The following PTPRN2 variants were observed in gnomAD, a reference collection of about 807,000 sequenced individuals.
PTPRN2 encodes protein tyrosine phosphatase receptor type N2, also known as receptor-type tyrosine-protein phosphatase N2.
PTPRN2 carries 74 observed loss-of-function variants against 118.8 expected under a neutral mutation model. The observed-to-expected ratio is 0.62, with a 90% CI of 0.52 to 0.76. PTPRN2 has a LOEUF of 0.76. Ranked by LOEUF, PTPRN2 falls within the 30% of genes least tolerant of loss-of-function variation. The pLI is 0.00. For missense variants in PTPRN2, 1,481 were observed against 1,394.4 expected (o/e 1.06, Z -0.99); for synonymous variants, 641 against 608.0 (o/e 1.05, Z -0.80).
chr7:157,766,391 A>C (rs1802492980), intron 12 of PTPRN2, among the ~76,000 whole-genome samples: 1 of 144,324 alleles, frequency 6.9e-6, no homozygotes, highest in African/African-American at 2.6e-5. Flanking sequence ...CTTCCATCCA[A>C]CCACCATCCC....
chr7:157,692,795 G>C (rs1445859331), intron 12 of PTPRN2, among the ~76,000 whole-genome samples: 2 of 152,072 alleles, frequency 1.3e-5, no homozygotes, highest in African/African-American at 4.8e-5. Context: ...CATCACCTTG[G>C]CCCTCTCGTC....
intron 12 of PTPRN2, among the ~76,000 whole-genome samples, chr7:157,866,469 C>A (rs1810676373): frequency 6.6e-6 from 1 of 152,092 alleles, no homozygotes; most frequent in South Asian, 2.1e-4. Flanking sequence ...CGATCACACC[C>A]ATATCCCTCG....
In PTPRN2 at chr7:157,601,785, C is replaced by T. The variant is rs757940771; in HGVS notation, c.2418+2217G>A. Among the ~76,000 whole-genome samples the T allele has an allele frequency of 7.0e-4, 106 of 152,238 alleles. 1 individual carries two copies. The highest frequency in any genetic ancestry group is 1.4e-3 in the Non-Finnish European group (95 of 68,048). On this transcript the variant is annotated intron_variant, in intron 16 of 22. Coordinates refer to ENST00000389418, the MANE Select transcript of PTPRN2 (RefSeq NM_002847.5). ...GGGCCCAGCTGCAACGCTGAACTCT[C>T]GTCTTTTAGGCTTGTGAATCACGGC...
chr7:158,248,410 G>A (rs998843850), intron 3 of PTPRN2, among the ~76,000 whole-genome samples: 1 of 152,166 alleles, frequency 6.6e-6, no homozygotes, highest in Non-Finnish European at 1.5e-5. Flanking sequence ...TTTCCCTGAA[G>A]GAACTGAGGC....
chr7:157,611,687 G>C lies in PTPRN2; in HGVS notation c.2345-7612C>G, dbSNP rs2150600434. 6.6e-6 allele frequency among the ~76,000 whole-genome samples: 1 copy of C among 152,286 alleles called. No homozygotes were observed. The highest frequency in any genetic ancestry group is 6.5e-5 in the Admixed American group (1 of 15,304). ...GGACTCTGCACACCCACACGGGAGG[G>C]AGAGCGCCCGTGTGAAGACGAAGAC... On this transcript the variant is annotated intron_variant, in intron 15 of 22. Coordinates refer to ENST00000389418, the MANE Select transcript of PTPRN2 (RefSeq NM_002847.5). This position sits in a 1 kb window ranked among gnomAD's most constrained non-coding sequence, Gnocchi z 5.9.
At chr7:158,374,081 G>A (rs1015780132) in intron 2 of PTPRN2, among the ~76,000 whole-genome samples, 5 of 152,178 alleles carry the variant, frequency 3.3e-5, no homozygotes, top group Non-Finnish European at 4.4e-5. Flanking sequence ...CTCAGGCAGC[G>A]GGCCCTTCTG....
At chr7:158,573,757 T>C (rs1563448679) in intron 1 of PTPRN2, among the ~76,000 whole-genome samples, 1 of 152,206 alleles carries the variant, frequency 6.6e-6, no homozygotes, top group Non-Finnish European at 1.5e-5. Context: ...TGCCCACTCT[T>C]AGATGTCCTA....
At chr7:157,709,154 G>A (rs1039543547) in intron 12 of PTPRN2, among the ~76,000 whole-genome samples, 3 of 152,174 alleles carry the variant, frequency 2.0e-5, no homozygotes, top group Non-Finnish European at 2.9e-5. Flanking sequence ...CCCATGGCTG[G>A]GTGGGATTTT....
chr7:158,507,321 G>C (rs573970078), intron 1 of PTPRN2, among the ~76,000 whole-genome samples: 3 of 151,940 alleles, frequency 2.0e-5, no homozygotes, highest in African/African-American at 7.2e-5. Flanking sequence ...CCATCCAGGG[G>C]ATAGCCCTGC....
intron 11 of PTPRN2, among the ~76,000 whole-genome samples, chr7:158,068,490 G>A (rs1047406669): frequency 6.6e-6 from 1 of 152,222 alleles, no homozygotes. Flanking sequence ...CAGAACGGAG[G>A]CCGCGTCCTC....
At position 158,138,483 on chromosome 7, in the gene PTPRN2, G is replaced by T. The variant is rs752544200; in HGVS notation, c.943C>A (p.Gln315Lys). 1.2e-6 allele frequency: 2 copies of T among 1,612,900 alleles called. No homozygotes were observed. The highest frequency in any genetic ancestry group is 1.1e-5 in the South Asian group (1 of 91,088). ...CCCCTCACCTCAGCCGGCTGCCTCT[G>T]CAGGTCCTTCAGGAGGGTATGAATC... ...ARIHTLLKDL[Q>K]RQPAEVRGLS... is the part of the protein sequence containing the mutation. The change falls in exon 7 of 23, where the codon CAG becomes AAG. Residue 315 changes from glutamine (Q) to lysine (K), a missense_variant. Physicochemically the swap from Gln to Lys is moderately conservative, Grantham distance 53 (BLOSUM62 1). Transcript: ENST00000389418.
At chr7:157,570,018 T>C (rs1342555063) in intron 20 of PTPRN2, among the ~76,000 whole-genome samples, 1 of 152,268 alleles carries the variant, frequency 6.6e-6, no homozygotes, top group African/African-American at 2.4e-5. Flanking sequence ...TGGTAAAGAA[T>C]CAGCGCATTT....
rs965998925 is a variant in PTPRN2, at chr7:157,861,574, T to G, written c.1788+37099A>C. ...GCTCCCTGTACTCAAAGCCGAGCTG[T>G]GTGAGGCTTTTGGGGCTGCCAGAAC... On this transcript the variant is annotated intron_variant, in intron 12 of 22. Coordinates refer to ENST00000389418, the MANE Select transcript of PTPRN2 (RefSeq NM_002847.5). This position sits in a 1 kb window ranked among gnomAD's most constrained non-coding sequence, Gnocchi z 5.8. Among the ~76,000 whole-genome samples, 3 of 152,192 alleles carry G rather than the reference T, an allele frequency of 2.0e-5. No homozygotes were observed. Among genetic ancestry groups the G allele is most frequent in the Non-Finnish European group, 2.9e-5 (2 of 68,040 alleles).
Position 157,605,329 on chromosome 7 carries a change from G to A in PTPRN2, c.2345-1254C>T, listed in dbSNP as rs184704227. On this transcript the variant is annotated intron_variant, in intron 15 of 22. Transcript: ENST00000389418. Reference sequence around the variant, plus strand: ...AGCAGCTTCCATGGTTGACACTGAGGAACATGGTAGCTCCTGGAAGTTTGG... The same window carrying A: ...AGCAGCTTCCATGGTTGACACTGAGAAACATGGTAGCTCCTGGAAGTTTGG... Among the ~76,000 whole-genome samples the A allele has an allele frequency of 2.8e-4, 42 of 152,352 alleles. No individual in the cohort carries two copies. In the East Asian group the frequency reaches 5.0e-3, roughly 18 times the overall value.
rs1799149005 is a variant in PTPRN2, at chr7:157,560,778, C to G, written c.2902+8124G>C. 6.6e-6 allele frequency among the ~76,000 whole-genome samples: 1 copy of G among 152,200 alleles called. No homozygotes were observed. Among genetic ancestry groups the G allele is most frequent in the Non-Finnish European group, 1.5e-5 (1 of 68,040 alleles). ...CAGCCTGAAACTTGCCTGAGCGAGA[C>G]AAGAGACACTGCGGGCCCAACGTGT... On this transcript the variant is annotated intron_variant, in intron 21 of 22. Transcript: ENST00000389418. The surrounding 1 kb of genome is among the most constrained non-coding windows in gnomAD (Gnocchi z 6.7).
intron 1 of PTPRN2, among the ~76,000 whole-genome samples, chr7:158,490,688 G>A (rs749735850): frequency 1.3e-4 from 20 of 152,240 alleles, no homozygotes; most frequent in East Asian, 3.9e-4. Flanking sequence ...TGGTGTGAAC[G>A]CGCAGTGTCT....
chr7:158,330,772 C>G (rs1484712335), intron 2 of PTPRN2, among the ~76,000 whole-genome samples: 10 of 98,396 alleles, frequency 1.0e-4, no homozygotes, highest in Admixed American at 3.4e-4. Context: ...GAGCTGACAC[C>G]CGCAGACGTC....
intron 12 of PTPRN2, among the ~76,000 whole-genome samples, chr7:157,843,637 G>A (rs541567529): frequency 2.6e-5 from 4 of 152,314 alleles, no homozygotes; most frequent in Non-Finnish European, 4.4e-5. Flanking sequence ...GCCCAGAGCC[G>A]CTCATTGAGT....
intron 1 of PTPRN2, among the ~76,000 whole-genome samples, chr7:158,559,400 T>C (rs1409528883): frequency 6.6e-6 from 1 of 152,194 alleles, no homozygotes. Flanking sequence ...AATGACACAC[T>C]TCCATCTTTC....
Sources: gnomAD v4.1 joint callset for allele counts (sites outside exome capture counted in the v4.1 genomes callset) on GRCh38, gnomAD v4.1.1 for gene constraint, Gnocchi (gnomAD v3.1) non-coding constraint, MANE v1.5 for transcripts, NCBI Gene and HGNC (gene_info 2026-07-23, HGNC 2026-07-21) for gene names.